Variants in PDE1C observed in about 807,000 individuals in gnomAD.
PDE1C encodes phosphodiesterase 1C.
PDE1C carries 62 observed loss-of-function variants against 93.1 expected under a neutral mutation model. The observed-to-expected ratio is 0.67, with a 90% CI of 0.54 to 0.82. The LOEUF is 0.82. Ranked by LOEUF, PDE1C falls within the 40% of genes least tolerant of loss-of-function variation. The probability of loss-of-function intolerance (pLI) is 0.00; values close to 1 mark genes in which losing one functional copy is unlikely to be tolerated. For synonymous variants in PDE1C, 325 were observed against 310.1 expected (o/e 1.05, Z -0.50); for missense variants, 742 against 884.6 (o/e 0.84, Z 2.04).
At chr7:32,354,062 C>T (rs1783984593) in intron 1 of PDE1C, among the ~76,000 whole-genome samples, 1 of 152,162 alleles carries the variant, frequency 6.6e-6, no homozygotes, top group Non-Finnish European at 1.5e-5. Flanking sequence ...TTTCTTTCTC[C>T]TCTATGACTT....
intron 1 of PDE1C, among the ~76,000 whole-genome samples, chr7:32,265,162 T>C (rs1372110103): frequency 6.6e-6 from 1 of 152,234 alleles, no homozygotes; most frequent in Non-Finnish European, 1.5e-5. Flanking sequence ...CACTAGCACC[T>C]TGTGCTGTCT....
chr7:31,968,251 T>G (rs1366007824), intron 2 of PDE1C, among the ~76,000 whole-genome samples: 1 of 152,176 alleles, frequency 6.6e-6, no homozygotes, highest in Non-Finnish European at 1.5e-5. Context: ...AATAAGCAAC[T>G]TCAGCTAAGT....
chr7:32,031,548 T>A (rs142842682), intron 2 of PDE1C, among the ~76,000 whole-genome samples: 29 of 152,294 alleles, frequency 1.9e-4, no homozygotes, highest in Middle Eastern at 3.4e-3. Context: ...AGTTCCTTTT[T>A]TGATCATATG....
At chr7:31,863,128 C>A (rs75539324) in intron 7 of PDE1C, among the ~76,000 whole-genome samples, 1 of 152,004 alleles carries the variant, frequency 6.6e-6, no homozygotes, top group African/African-American at 2.4e-5. Context: ...GATGCCTTTT[C>A]CATTTATTTA....
At chr7:32,136,338 AT>A (rs1347420358) in intron 3 of PDE1C, among the ~76,000 whole-genome samples, 1 of 148,808 alleles carries the variant, frequency 6.7e-6, no homozygotes, top group Non-Finnish European at 1.5e-5. Context: ...ATGCATTTTT[AT>A]TTATTTATTT....
At chr7:32,059,687 GA>G (rs1329404715) in intron 1 of PDE1C, among the ~76,000 whole-genome samples, 4 of 152,116 alleles carry the variant, frequency 2.6e-5, no homozygotes, top group African/African-American at 9.7e-5. Context: ...TGGAAGGCAA[GA>G]TTTTTTTTTT....
At chr7:31,898,714 A>G (rs1033478112) in intron 2 of PDE1C, among the ~76,000 whole-genome samples, 3 of 152,248 alleles carry the variant, frequency 2.0e-5, no homozygotes, top group Non-Finnish European at 2.9e-5. Flanking sequence ...CTAAGCATCT[A>G]AACACTTATA....
intron 17 of PDE1C, among the ~76,000 whole-genome samples, chr7:31,764,713 C>T (rs10255824): frequency 1.2e-4 from 19 of 152,176 alleles, no homozygotes; most frequent in Non-Finnish European, 2.5e-4. Context: ...TTCTTTGTGC[C>T]TTATTCCATA....
chr7:31,721,844 A>T, the PDE1C span, among the ~76,000 whole-genome samples: 1 of 152,176 alleles, frequency 6.6e-6, no homozygotes, highest in Non-Finnish European at 1.5e-5. Flanking sequence ...CTGGAAGGAA[A>T]ATAATATTCC....
intron 1 of PDE1C, among the ~76,000 whole-genome samples, chr7:32,264,498 T>A (rs1810432210): frequency 6.6e-6 from 1 of 152,214 alleles, no homozygotes; most frequent in South Asian, 2.1e-4. Context: ...CCTTTTACAC[T>A]CTGCTATTTT....
At chr7:32,147,045 C>T (rs1033361292) in intron 3 of PDE1C, among the ~76,000 whole-genome samples, 7 of 149,656 alleles carry the variant, frequency 4.7e-5, no homozygotes, top group African/African-American at 1.7e-4. Flanking sequence ...ATACTAAATC[C>T]CCACCAAGAA....
intron 1 of PDE1C, among the ~76,000 whole-genome samples, chr7:32,335,688 C>T (rs1783604739): frequency 6.6e-6 from 1 of 151,156 alleles, no homozygotes; most frequent in East Asian, 2.0e-4. Context: ...CCTTGCTTTA[C>T]CTTAATTACC....
At chr7:32,404,725 G>A (rs1035575003) in intron 1 of PDE1C, among the ~76,000 whole-genome samples, 6 of 152,096 alleles carry the variant, frequency 3.9e-5, no homozygotes, top group African/African-American at 1.4e-4. Context: ...GTGCGTGTGG[G>A]GTGGGGGTAC....
At chr7:31,621,038 A>G in the PDE1C span, among the ~76,000 whole-genome samples, 12 of 151,994 alleles carry the variant, frequency 7.9e-5, no homozygotes, top group South Asian at 4.2e-4. Flanking sequence ...GAAATGAAGC[A>G]AGAAGGGAAG....
At chr7:32,001,328 C>A (rs1436792643) in intron 2 of PDE1C, among the ~76,000 whole-genome samples, 2 of 152,070 alleles carry the variant, frequency 1.3e-5, no homozygotes, top group African/African-American at 4.8e-5. Flanking sequence ...ACAAAAGATC[C>A]CATATCAGGA....
chr7:31,651,151 C>G, the PDE1C span: 2 of 1,613,120 alleles, frequency 1.2e-6, no homozygotes, highest in Non-Finnish European at 1.7e-6. Flanking sequence ...GTGCACAGTC[C>G]ATGAGATGGA....
chr7:32,100,942 T>C (rs1798005707), intron 3 of PDE1C, among the ~76,000 whole-genome samples: 2 of 152,314 alleles, frequency 1.3e-5, no homozygotes, highest in South Asian at 4.1e-4. Flanking sequence ...ATACAACTAC[T>C]GGAATTTCCA....
intron 12 of PDE1C, among the ~76,000 whole-genome samples, chr7:31,826,698 T>C (rs1011731471): frequency 2.6e-4 from 39 of 152,192 alleles, no homozygotes; most frequent in African/African-American, 9.2e-4. Context: ...TTAGTTCTGA[T>C]ATTCATCATC....
chr7:31,651,665 A>G, the PDE1C span, among the ~76,000 whole-genome samples: 1 of 152,158 alleles, frequency 6.6e-6, no homozygotes, highest in Non-Finnish European at 1.5e-5. Context: ...GAAGTGTTTT[A>G]AAACTGAATA....
Sources: allele counts gnomAD v4.1 joint callset (sites outside exome capture counted in the v4.1 genomes callset), GRCh38; gene constraint gnomAD v4.1.1; transcripts MANE v1.5; gene names NCBI Gene and HGNC (gene_info 2026-07-23, HGNC 2026-07-21).